Variants in SSX2IP observed in about 807,000 individuals in gnomAD.
SSX2IP encodes the protein afadin- and alpha-actinin-binding protein.
A neutral mutation model predicts 84.9 loss-of-function variants in SSX2IP; 55 were observed. The observed-to-expected ratio is 0.65, with a 90% confidence interval of 0.52 to 0.81. The LOEUF (loss-of-function observed/expected upper bound fraction) is 0.81, where lower values mean the gene tolerates loss of function less well. Ranked by LOEUF, SSX2IP falls within the 30% of genes least tolerant of loss-of-function variation. The pLI, the probability that SSX2IP is intolerant of heterozygous loss-of-function variation, is 0.00. For synonymous variants in SSX2IP, 239 were observed against 234.7 expected, an observed-to-expected ratio of 1.02 and a Z score of -0.17; for missense variants, 664 against 705.2, an observed-to-expected ratio of 0.94 and a Z score of 0.66.
rs548905100 is a variant in SSX2IP at position 84,675,739 on chromosome 1, A to C, written c.-89-4431T>G. Among the ~76,000 whole-genome samples, 5 of 152,294 alleles carry C rather than the reference A, an allele frequency of 3.3e-5. No homozygotes were observed. The South Asian group carries it at 1.0e-3, about 32-fold the overall frequency. Reference sequence around the variant, plus strand: ...TTACGTAAAAATGCAGATTCAATGAACCAGACTAAGGTCTAAGTGGCTATT... The same window carrying C: ...TTACGTAAAAATGCAGATTCAATGACCCAGACTAAGGTCTAAGTGGCTATT... On this transcript the variant is annotated intron_variant, in intron 1 of 13. Transcript: ENST00000342203.
intron 1 of SSX2IP, chr1:84,680,356 C>A (rs1654908789): frequency 6.6e-6 from 1 of 152,176 alleles, no homozygotes; most frequent in Admixed American, 6.5e-5. Flanking sequence ...TGGTCCTGAA[C>A]ATAAATCTTC....
At chr1:84,680,882 A>T (rs1336132999) in intron 1 of SSX2IP, among the ~76,000 whole-genome samples, 25 of 152,202 alleles carry the variant, frequency 1.6e-4, no homozygotes, top group Non-Finnish European at 3.2e-4. Context: ...TTTCATATTA[A>T]GAAAAAAAAT....
intron 4 of SSX2IP, among the ~76,000 whole-genome samples, chr1:84,668,667 C>A (rs1653091555): frequency 6.6e-6 from 1 of 152,132 alleles, no homozygotes; most frequent in Non-Finnish European, 1.5e-5. Flanking sequence ...CATTACAGCA[C>A]ATTTCCTGCT....
intron 6 of SSX2IP, among the ~76,000 whole-genome samples, chr1:84,663,214 G>C (rs1269491627): frequency 6.6e-6 from 1 of 152,106 alleles, no homozygotes; most frequent in African/African-American, 2.4e-5. Flanking sequence ...AAAGGAAAAA[G>C]AGTAAATTAT....
intron 2 of SSX2IP, 22 bp downstream of exon 2, chr1:84,671,155 A>G (rs1245327601): frequency 6.2e-7 from 1 of 1,603,806 alleles, no homozygotes; most frequent in Non-Finnish European, 8.5e-7. Context: ...GCTTTTGTTT[A>G]CAATTATTTA....
At chr1:84,661,583 G>A (rs552153311) in intron 8 of SSX2IP, among the ~76,000 whole-genome samples, 1 of 152,148 alleles carries the variant, frequency 6.6e-6, no homozygotes, top group South Asian at 2.1e-4. Context: ...CCCAAAAAGA[G>A]CTTCTTGAGG....
At chr1:84,657,737 T>C (rs1199634122) in intron 9 of SSX2IP, among the ~76,000 whole-genome samples, 2 of 152,244 alleles carry the variant, frequency 1.3e-5, no homozygotes, top group Non-Finnish European at 2.9e-5. Flanking sequence ...GATTGTATAC[T>C]GCATCCAGAG....
Position 84,658,400 on chromosome 1 carries a change from T to C in SSX2IP, c.996A>G (p.Glu332=). ...TGTTTGTAAGCTGCTCTCTCACAGT[T>C]TCACAGGAAAGGTCCCACATACTCT... ...SRESMWDLSC[E]TVREQLTNSI... Residue 332 remains glutamate, a synonymous_variant, in exon 9 of 14, where the codon GAA becomes GAG. Coordinates refer to ENST00000342203, the MANE Select transcript of SSX2IP (RefSeq NM_001166293.2). The C allele has an allele frequency of 6.2e-7, 1 of 1,614,152 alleles. No individual in the cohort carries two copies.
chr1:84,651,935 G>A lies in SSX2IP; in HGVS notation c.1452C>T (p.Thr484=), dbSNP rs1439510324. 2.5e-6 allele frequency: 4 copies of A among 1,613,748 alleles called. No homozygotes were observed. Among genetic ancestry groups the A allele is most frequent in the African/African-American group, 1.3e-5 (1 of 74,886 alleles). Reference sequence around the variant, plus strand: ...CATTTTCTGAGTTCTGGTGGTCAAAGGTAGTCATATTTAGAAACTGCTGCT... The same window carrying A: ...CATTTTCTGAGTTCTGGTGGTCAAAAGTAGTCATATTTAGAAACTGCTGCT... The part of the protein sequence containing the change: ...WLKQQFLNMT[T]FDHQNSENVK... Residue 484 remains threonine, a synonymous_variant, in exon 12 of 14, where the codon ACC becomes ACT. Coordinates refer to ENST00000342203, the MANE Select transcript of SSX2IP (RefSeq NM_001166293.2).
intron 1 of SSX2IP, among the ~76,000 whole-genome samples, chr1:84,685,213 T>C (rs1475974344): frequency 6.6e-6 from 1 of 152,232 alleles, no homozygotes; most frequent in Non-Finnish European, 1.5e-5. Context: ...CCTGGGTCCT[T>C]GGCCTTACTG....
In SSX2IP at chr1:84,650,212, C is replaced by T. The variant is rs1423842241; in HGVS notation, c.1670+150G>A. 1.1e-5 allele frequency: 8 copies of T among 748,892 alleles called. No individual in the cohort carries two copies. In the Admixed American group the frequency reaches 1.7e-4, roughly 16 times the overall value. The allele number at this position is 748,892 out of a possible 1,614,324, so 46.4% of individuals were successfully genotyped here. On this transcript the variant is annotated intron_variant, in intron 13 of 13. Coordinates refer to ENST00000342203, the MANE Select transcript of SSX2IP (RefSeq NM_001166293.2). The stretch of plus-strand genomic sequence containing the variant: ...GCACAGTGTCTATATATACTGGACA[C>T]TCAATATTTGTAGAATGAATAAATC...
At chr1:84,655,256 G>A (rs762515432) in intron 11 of SSX2IP, 17 of 889,182 alleles carry the variant, frequency 1.9e-5, no homozygotes, top group Non-Finnish European at 2.1e-5. Context: ...AACTGAGGAT[G>A]AGAAAGGAGG....
chr1:84,655,091 A>T (rs1396142710), intron 11 of SSX2IP, among the ~76,000 whole-genome samples: 1 of 152,148 alleles, frequency 6.6e-6, no homozygotes, highest in Non-Finnish European at 1.5e-5. Flanking sequence ...TGTAGGTAGG[A>T]GGTACAATAA....
intron 1 of SSX2IP, among the ~76,000 whole-genome samples, chr1:84,672,874 A>T (rs1316820375): frequency 6.6e-6 from 1 of 152,078 alleles, no homozygotes; most frequent in Non-Finnish European, 1.5e-5. Flanking sequence ...GAAAATACAA[A>T]ACTTAGCCGG....
intron 1 of SSX2IP, among the ~76,000 whole-genome samples, chr1:84,688,741 G>A (rs1570762391): frequency 2.0e-5 from 3 of 152,066 alleles, no homozygotes; most frequent in Admixed American, 2.0e-4. Context: ...CTTGTCACAA[G>A]GCACAATGTG....
chr1:84,664,724 T>C (rs543863240), intron 5 of SSX2IP, among the ~76,000 whole-genome samples, 172 bp from the exon 6 acceptor site: 2 of 152,278 alleles, frequency 1.3e-5, no homozygotes, highest in East Asian at 3.9e-4. Flanking sequence ...TAAAGTTTTT[T>C]TAATTCTGAA....
chr1:84,665,181 T>C (rs1217892361), intron 5 of SSX2IP, among the ~76,000 whole-genome samples: 1 of 152,150 alleles, frequency 6.6e-6, no homozygotes, highest in African/African-American at 2.4e-5. Context: ...CTGCTAGGGA[T>C]CAACATGATT....
At chr1:84,655,612 T>C (rs1001514358) in intron 11 of SSX2IP, 49 of 1,493,726 alleles carry the variant, frequency 3.3e-5, no homozygotes, top group Non-Finnish European at 4.2e-5. Flanking sequence ...TAAATGCTTA[T>C]AGCGTTTTTT....
upstream of SSX2IP, chr1:84,690,503 C>T (rs1267222620): frequency 6.6e-6 from 1 of 152,136 alleles, no homozygotes; most frequent in Admixed American, 6.6e-5. Context: ...CCCGCCTTCC[C>T]CGCCCCTTGC....
Sources: gnomAD v4.1 joint callset for allele counts (sites outside exome capture counted in the v4.1 genomes callset) on GRCh38, gnomAD v4.1.1 for gene constraint, MANE v1.5 for transcripts, NCBI Gene and HGNC (gene_info 2026-07-23, HGNC 2026-07-21) for gene names.